GIGYF2: variants seen among roughly 807,000 people sequenced by gnomAD.
The protein encoded by GIGYF2 is GRB10-interacting GYF protein 2.
Under a neutral mutation model 208.1 loss-of-function variants are expected in GIGYF2, and 25 were observed. The ratio of observed to expected loss-of-function variants is 0.12; its 90% confidence interval spans 0.09 to 0.17. The LOEUF (loss-of-function observed/expected upper bound fraction) is 0.17, where lower values mean the gene tolerates loss of function less well. Ranked by LOEUF, GIGYF2 falls within the 10% of genes least tolerant of loss-of-function variation. The probability of loss-of-function intolerance (pLI) is 1.00; values close to 1 mark genes in which losing one functional copy is unlikely to be tolerated. For synonymous variants in GIGYF2, 534 were observed against 543.8 expected (o/e 0.98, Z 0.25); for missense variants, 1,302 against 1,579.4 (o/e 0.82, Z 2.98).
intron 8 of GIGYF2, chr2:232,766,635 C>G (rs1481952345): frequency 2.6e-5 from 4 of 152,332 alleles, no homozygotes; most frequent in Non-Finnish European, 5.9e-5. Context: ...AGCAAAAGTT[C>G]ACAATAATTA....
In GIGYF2 at chr2:232,827,429, A is replaced by AT. The variant is rs575720655; in HGVS notation, c.2530-5422dup. Among the ~76,000 whole-genome samples, 36 of 152,190 alleles carry AT rather than the reference A, an allele frequency of 2.4e-4. No homozygotes were observed. The East Asian group carries it at 6.8e-3, about 29-fold the overall frequency. On this transcript the variant is annotated intron_variant, in intron 21 of 28. Transcript: ENST00000373563. ...AGCCTAGTGTTTTCTTTGTGGAGAG[A>AT]TTTTTTATAAAGTTCAGTTTCTTTG...
At chr2:232,735,660 A>T in intron 3 of GIGYF2, 4 of 981,428 alleles carry the variant, frequency 4.1e-6, no homozygotes, top group Non-Finnish European at 4.9e-6. Flanking sequence ...AAGATGGGCT[A>T]GGCAGGTAGT....
At chr2:232,748,007 C>T (rs1021290690) in intron 4 of GIGYF2, among the ~76,000 whole-genome samples, 1 of 152,170 alleles carries the variant, frequency 6.6e-6, no homozygotes, top group African/African-American at 2.4e-5. Context: ...TCTTAACCCC[C>T]CTTTCATGTC....
At chr2:232,782,304 C>G (rs1219750372) in intron 8 of GIGYF2, among the ~76,000 whole-genome samples, 1 of 152,062 alleles carries the variant, frequency 6.6e-6, no homozygotes. Flanking sequence ...CTCAAGTGAT[C>G]CTCTCTCCTC....
intron 1 of GIGYF2, among the ~76,000 whole-genome samples, chr2:232,699,979 T>G (rs1695774407): frequency 6.6e-6 from 1 of 152,270 alleles, no homozygotes; most frequent in Non-Finnish European, 1.5e-5. Flanking sequence ...AAACATTTTC[T>G]GATTTCCTTC....
intron 19 of GIGYF2, 149 bp from the exon 20 acceptor site, chr2:232,816,722 T>G (rs995847823): frequency 1.4e-6 from 1 of 691,378 alleles, no homozygotes; most frequent in Non-Finnish European, 2.7e-6. Flanking sequence ...ATAACATATT[T>G]TGTTTATCTA....
At position 232,836,316 on chromosome 2, in the gene GIGYF2, A is replaced by C. The variant is rs1286948070; in HGVS notation, c.2766+3223A>C. ...TATATATATATATATATATATATAT[A>C]TATATATATATATACATATATATAC... On this transcript the variant is annotated intron_variant, in intron 22 of 28. Coordinates refer to ENST00000373563, the MANE Select transcript of GIGYF2 (RefSeq NM_001103146.3). Among the ~76,000 whole-genome samples, 29 of 34,626 alleles carry C rather than the reference A, an allele frequency of 8.4e-4. 8 individuals are homozygous for C. The highest frequency in any genetic ancestry group is 3.5e-3 in the African/African-American group (29 of 8,238). The allele number at this position is 34,626 out of a possible 152,430, so 22.7% of individuals were successfully genotyped here.
intron 2 of GIGYF2, among the ~76,000 whole-genome samples, chr2:232,725,546 G>T (rs1044205270): frequency 6.6e-6 from 1 of 152,158 alleles, no homozygotes; most frequent in African/African-American, 2.4e-5. Flanking sequence ...CAAATTAAGC[G>T]AATACATATG....
At chr2:232,817,060 G>A in intron 20 of GIGYF2, 28 bp downstream of exon 20, 1 of 1,547,984 alleles carries the variant, frequency 6.5e-7, no homozygotes, top group Non-Finnish European at 8.9e-7. Flanking sequence ...CTGACCATAG[G>A]ATTAGTGCTT....
intron 6 of GIGYF2, among the ~76,000 whole-genome samples, chr2:232,758,771 A>T (rs1275452700): frequency 6.6e-6 from 1 of 152,198 alleles, no homozygotes; most frequent in African/African-American, 2.4e-5. Context: ...TCAAGGTGAT[A>T]CAAGTGTAAG....
At chr2:232,847,310 T>A (rs1487230654) in intron 26 of GIGYF2, 38 bp from the exon 27 acceptor site, 1 of 1,603,010 alleles carries the variant, frequency 6.2e-7, no homozygotes, top group Non-Finnish European at 8.5e-7. Flanking sequence ...TTTCATTATT[T>A]CATTGTTACC....
intron 3 of GIGYF2, among the ~76,000 whole-genome samples, chr2:232,743,582 A>G (rs879329625): frequency 4.6e-5 from 7 of 151,904 alleles, no homozygotes; most frequent in Admixed American, 1.3e-4. Flanking sequence ...CCCCAAGTAG[A>G]CCCCAGTGTC....
chr2:232,825,567 G>A (rs929743135), intron 21 of GIGYF2, among the ~76,000 whole-genome samples: 1 of 152,124 alleles, frequency 6.6e-6, no homozygotes, highest in East Asian at 1.9e-4. Context: ...TCTTATGGAA[G>A]CAACTACTTC....
chr2:232,853,540 T>C (rs1301972969), intron 28 of GIGYF2, among the ~76,000 whole-genome samples: 1 of 152,246 alleles, frequency 6.6e-6, no homozygotes. Context: ...GCCAAAGTGC[T>C]GGGATTATAA....
At chr2:232,836,323 T>C (rs376677775) in intron 22 of GIGYF2, among the ~76,000 whole-genome samples, 2 of 23,324 alleles carry the variant, frequency 8.6e-5, no homozygotes, top group East Asian at 8.9e-4. Context: ...TATATATATA[T>C]ATATATACAT....
chr2:232,800,638 G>A (rs1324065446), intron 14 of GIGYF2, among the ~76,000 whole-genome samples: 1 of 151,136 alleles, frequency 6.6e-6, no homozygotes, highest in Non-Finnish European at 1.5e-5. Flanking sequence ...AGGCTGGAGT[G>A]CAGTGGTATG....
chr2:232,815,623 T>A lies in GIGYF2; in HGVS notation c.2108-14T>A. 7.4e-7 allele frequency: 1 copy of A among 1,348,976 alleles called. No homozygotes were observed. The highest frequency in any genetic ancestry group is 1.2e-5 in the South Asian group (1 of 85,668). The allele number at this position is 1,348,976 out of a possible 1,614,324, so 83.6% of individuals were successfully genotyped here. A position where few individuals can be genotyped will look rare whatever the true frequency, so the allele number is the denominator to read the frequency against. On this transcript the variant is annotated splice_polypyrimidine_tract_variant and intron_variant, in intron 18 of 28. Coordinates refer to ENST00000373563, the MANE Select transcript of GIGYF2 (RefSeq NM_001103146.3). ...GCTCTGTCATTCCTCGTTGTTTCTT[T>A]TGTTGTCTTACAGTTTGGGAAGGTG... is the stretch of plus-strand genomic sequence containing the variant.
chr2:232,794,969 G>A, intron 13 of GIGYF2, 25 bp downstream of exon 13: 1 of 1,537,372 alleles, frequency 6.5e-7, no homozygotes, highest in Non-Finnish European at 9.0e-7. Flanking sequence ...AATTCTTTTT[G>A]TCTCCTCTTA....
In GIGYF2 at chr2:232,844,362, T is replaced by C; in HGVS notation, c.3100-7T>C. 6.2e-7 allele frequency: 1 copy of C among 1,613,494 alleles called. No homozygotes were observed. Among genetic ancestry groups the C allele is most frequent in the Non-Finnish European group, 8.5e-7 (1 of 1,179,358 alleles). Reference sequence around the variant, plus strand: ...ACGATAATCATTTTTCTCTTTTTCTTTAACAGCATTCCAACCTGCACACCA... The same window carrying C: ...ACGATAATCATTTTTCTCTTTTTCTCTAACAGCATTCCAACCTGCACACCA... On this transcript the variant is annotated splice_polypyrimidine_tract_variant and splice_region_variant and intron_variant, in intron 24 of 28. Coordinates refer to ENST00000373563, the MANE Select transcript of GIGYF2 (RefSeq NM_001103146.3).
Sources: gnomAD v4.1 joint callset for allele counts (sites outside exome capture counted in the v4.1 genomes callset) on GRCh38, gnomAD v4.1.1 for gene constraint, MANE v1.5 for transcripts, NCBI Gene and HGNC (gene_info 2026-07-23, HGNC 2026-07-21) for gene names.